The following SREK1 variants were observed in gnomAD, a reference collection of about 807,000 sequenced individuals.
SREK1 encodes the protein splicing regulatory glutamic acid and lysine rich protein 1, also known as splicing regulatory glutamine/lysine-rich protein 1.
SREK1 carries 13 observed loss-of-function variants against 66.5 expected under a neutral mutation model. That is an observed-to-expected ratio of 0.20 (90% CI 0.13 to 0.31). The LOEUF is 0.31. Ranked by LOEUF, SREK1 falls within the 10% of genes least tolerant of loss-of-function variation. The pLI is 1.00. For missense variants in SREK1, 607 were observed against 769.6 expected (o/e 0.79, Z 2.50); for synonymous variants, 265 against 263.5 (o/e 1.01, Z -0.05).
At chr5:66,161,287 A>T (rs1254087182) in intron 3 of SREK1, among the ~76,000 whole-genome samples, 1 of 151,510 alleles carries the variant, frequency 6.6e-6, no homozygotes, top group Non-Finnish European at 1.5e-5. Context: ...TTCACTTAGT[A>T]AGTAAAATTT....
At chr5:66,177,103 C>G (rs2112110754) in intron 10 of SREK1, among the ~76,000 whole-genome samples, 1 of 152,252 alleles carries the variant, frequency 6.6e-6, no homozygotes, top group South Asian at 2.1e-4. Flanking sequence ...CTGCCTTGTT[C>G]CCATTCACCC....
chr5:66,175,801 G>C (rs1364182661), intron 10 of SREK1, among the ~76,000 whole-genome samples: 1 of 151,898 alleles, frequency 6.6e-6, no homozygotes, highest in Admixed American at 6.6e-5. Flanking sequence ...TGGCCTTTTT[G>C]TTTCCTTTTC....
chr5:66,158,291 A>G (rs1225706854), intron 2 of SREK1: 2 of 152,082 alleles, frequency 1.3e-5, no homozygotes, highest in Non-Finnish European at 2.9e-5. Context: ...TTATTAGATT[A>G]TTTTAATGTT....
chr5:66,173,736 A>G (rs1191166276), intron 9 of SREK1, among the ~76,000 whole-genome samples: 3 of 152,266 alleles, frequency 2.0e-5, no homozygotes, highest in South Asian at 2.1e-4. Context: ...GTGTAATCTT[A>G]AAGTCTGGAA....
chr5:66,169,010 C>T (rs978298206), intron 7 of SREK1: 6 of 152,094 alleles, frequency 3.9e-5, no homozygotes, highest in African/African-American at 1.4e-4. Flanking sequence ...AGTGACTAGC[C>T]AGAGTTCTCA....
chr5:66,162,077 T>C (rs750614156), intron 3 of SREK1, 32 bp from the exon 4 acceptor site: 245 of 1,598,258 alleles, frequency 1.5e-4, no homozygotes, highest in Non-Finnish European at 2.1e-4. Flanking sequence ...AGAAAATATG[T>C]GTTCTGTGTG....
At position 66,170,743 on chromosome 5, in the gene SREK1, AAGAC is replaced by A; in HGVS notation, c.1282_1285del (p.Asp428ArgfsTer39). The A allele has an allele frequency of 6.2e-7, 1 of 1,600,692 alleles. No individual in the cohort carries two copies. Among genetic ancestry groups the A allele is most frequent in the Non-Finnish European group, 8.5e-7 (1 of 1,172,906 alleles). ...AAGGAACGGGAAAAGGACCGGGAAA[AAGAC>A]AAGGAAAAGGACAGAGAGAGAGAAC... On this transcript the variant is annotated frameshift_variant, in exon 9 of 12. Coordinates refer to ENST00000334121, the MANE Select transcript of SREK1 (RefSeq NM_001077199.3). LOFTEE classifies it high-confidence loss of function.
chr5:66,177,187 T>A (rs1009257020), intron 10 of SREK1: 4 of 170,786 alleles, frequency 2.3e-5, no homozygotes, highest in Non-Finnish European at 3.7e-5. Flanking sequence ...CATATTCATT[T>A]GGTTTTATTT....
chr5:66,153,703 G>C, intron 2 of SREK1, 107 bp downstream of exon 2: 1 of 1,407,350 alleles, frequency 7.1e-7, no homozygotes, highest in South Asian at 1.4e-5. Context: ...GTGTGTGTGT[G>C]AAAGTAAGAA....
At chr5:66,159,375 A>G in intron 3 of SREK1, 41 bp downstream of exon 3, 11 of 1,522,726 alleles carry the variant, frequency 7.2e-6, no homozygotes, top group Non-Finnish European at 8.9e-6. Flanking sequence ...GTGAATGTTC[A>G]ACTGTGTGAC....
intron 6 of SREK1, 157 bp from the exon 7 acceptor site, chr5:66,164,626 G>C: frequency 1.9e-6 from 3 of 1,549,110 alleles, no homozygotes; most frequent in Non-Finnish European, 2.6e-6. Flanking sequence ...CACTCAACGA[G>C]TTTATGCAAT....
chr5:66,156,258 CT>C (rs1158462954), intron 2 of SREK1: 21 of 1,308,514 alleles, frequency 1.6e-5, no homozygotes, highest in Admixed American at 7.5e-5. Flanking sequence ...TATTTTGTCC[CT>C]TTTTTTGTTT....
At chr5:66,150,376 G>A (rs565903243) in intron 1 of SREK1, among the ~76,000 whole-genome samples, 39 of 152,334 alleles carry the variant, frequency 2.6e-4, no homozygotes, top group African/African-American at 8.7e-4. Context: ...CATTCAAAAT[G>A]GGAGTTAGCG....
chr5:66,144,628 C>G (rs937899279), intron 1 of SREK1, 91 bp downstream of exon 1: 3 of 1,450,362 alleles, frequency 2.1e-6, no homozygotes, highest in South Asian at 2.8e-5. Context: ...CGCGGGCGCG[C>G]GGTGCATGTC....
At position 66,170,960 on chromosome 5, in the gene SREK1, T is replaced by A; in HGVS notation, c.1484+13T>A. ...GTAGTTCCAGCAGGTTTGATAATGC[T>A]TAAAATTTTTACAAAGGGATTTGCT... is the stretch of plus-strand genomic sequence containing the variant. On this transcript the variant is annotated intron_variant, in intron 9 of 11. Transcript: ENST00000334121. 6.3e-7 allele frequency: 1 copy of A among 1,575,966 alleles called. No individual in the cohort carries two copies. The highest frequency in any genetic ancestry group is 1.7e-4 in the Middle Eastern group (1 of 5,832).
intron 2 of SREK1, 182 bp downstream of exon 2, chr5:66,153,778 G>A: frequency 3.1e-6 from 2 of 647,480 alleles, no homozygotes; most frequent in South Asian, 5.1e-5. Context: ...TTTATGACAT[G>A]TACATTTGAG....
intron 1 of SREK1, among the ~76,000 whole-genome samples, chr5:66,151,418 G>A (rs1406371254): frequency 6.6e-6 from 1 of 152,182 alleles, no homozygotes; most frequent in Non-Finnish European, 1.5e-5. Flanking sequence ...AAGAGCTTTG[G>A]AAGTAGTTGG....
intron 2 of SREK1, 152 bp from the exon 3 acceptor site, chr5:66,159,067 G>T (rs1744515872): frequency 7.0e-7 from 1 of 1,420,118 alleles, no homozygotes; most frequent in Non-Finnish European, 9.2e-7. Context: ...TAAAAGGAAA[G>T]ACTTAAGTTC....
chr5:66,177,475 A>G lies in SREK1; in HGVS notation c.1581-39A>G, dbSNP rs746050473. ...TGTCAAGAATATAATAGATCTTACA[A>G]TTTCTTAGAATTTAACTGACATATC... On this transcript the variant is annotated intron_variant, in intron 10 of 11. Coordinates refer to ENST00000334121, the MANE Select transcript of SREK1 (RefSeq NM_001077199.3). The G allele has an allele frequency of 1.9e-5, 28 of 1,475,012 alleles. No homozygotes were observed. In the East Asian group the frequency reaches 1.9e-4, roughly 10 times the overall value. 91.4% of individuals were successfully genotyped at this position (1,475,012 alleles called of 1,614,324 possible).
Sources: gnomAD v4.1 joint callset for allele counts (sites outside exome capture counted in the v4.1 genomes callset) on GRCh38, gnomAD v4.1.1 for gene constraint, MANE v1.5 for transcripts, NCBI Gene and HGNC (gene_info 2026-07-23, HGNC 2026-07-21) for gene names.